Variants in LTBP2 observed in about 807,000 individuals in gnomAD.
The protein encoded by LTBP2 is latent-transforming growth factor beta-binding protein 2.
In LTBP2, 103 loss-of-function variants were observed where a neutral mutation model predicts 210.6. That is an observed-to-expected ratio of 0.49 (90% CI 0.42 to 0.58). LTBP2 has a LOEUF of 0.58. Among genes scored for constraint, LTBP2 ranks in the 20% least tolerant of loss-of-function variants. The probability of loss-of-function intolerance (pLI) is 0.00; values close to 1 mark genes in which losing one functional copy is unlikely to be tolerated. For synonymous variants in LTBP2, 1,007 were observed against 1,015.0 expected, an observed-to-expected ratio of 0.99 and a Z score of 0.15; for missense variants, 2,313 against 2,494.5, an observed-to-expected ratio of 0.93 and a Z score of 1.55.
intron 3 of LTBP2, among the ~76,000 whole-genome samples, chr14:74,581,652 C>T (rs998015534): frequency 1.3e-5 from 2 of 152,078 alleles, no homozygotes; most frequent in African/African-American, 2.4e-5. Flanking sequence ...CCTGAATGAG[C>T]GAGGAAACCG....
intron 19 of LTBP2, among the ~76,000 whole-genome samples, 173 bp downstream of exon 19, chr14:74,511,072 G>T (rs541041346): frequency 6.6e-6 from 1 of 152,346 alleles, no homozygotes; most frequent in African/African-American, 2.4e-5. Context: ...GATTCAGAGG[G>T]CAGAGCCCTG....
At position 74,504,842 on chromosome 14, in the gene LTBP2, G is replaced by A. The variant is rs1247064245; in HGVS notation, c.4389C>T (p.Cys1463=). The change falls in exon 30 of 36, where the codon TGC becomes TGT. Residue 1463 remains cysteine, a synonymous_variant. Coordinates refer to ENST00000261978, the MANE Select transcript of LTBP2 (RefSeq NM_000428.3). ...CAGGAATGTAGCCTTTTCCACTAGGGCAGATCTCGCTGAATTCAGCTATGT... is the reference window on the plus strand; with the variant it reads ...CAGGAATGTAGCCTTTTCCACTAGGACAGATCTCGCTGAATTCAGCTATGT... ...SEDSAEFSEI[C]PSGKGYIPVE... The A allele has an allele frequency of 3.7e-6, 6 of 1,614,116 alleles. No homozygotes were observed. The highest frequency in any genetic ancestry group is 5.1e-6 in the Non-Finnish European group (6 of 1,180,048).
At chr14:74,528,772 C>A in intron 11 of LTBP2, 74 bp from the exon 12 acceptor site, 1 of 1,569,330 alleles carries the variant, frequency 6.4e-7, no homozygotes, top group Non-Finnish European at 8.7e-7. Context: ...CCTTTCCCTC[C>A]CTTTGGGAGA....
intron 9 of LTBP2, 77 bp downstream of exon 9, chr14:74,535,849 G>C (rs2087413912): frequency 3.7e-6 from 5 of 1,336,096 alleles, no homozygotes; most frequent in Non-Finnish European, 5.4e-6. Context: ...CTCGGCCAGT[G>C]ACAGACACCC....
chr14:74,583,204 T>C (rs1197484614), intron 3 of LTBP2, among the ~76,000 whole-genome samples: 1 of 152,084 alleles, frequency 6.6e-6, no homozygotes, highest in Non-Finnish European at 1.5e-5. Flanking sequence ...CCATCACCAA[T>C]CCCTGCAGTG....
chr14:74,516,675 A>G, intron 18 of LTBP2, 147 bp downstream of exon 18: 1 of 1,091,504 alleles, frequency 9.2e-7, no homozygotes, highest in Non-Finnish European at 1.4e-6. Context: ...AGGAATTCTC[A>G]TAGGTGTCTC....
chr14:74,544,245 GT>G (rs2087550561), intron 8 of LTBP2, among the ~76,000 whole-genome samples: 1 of 152,284 alleles, frequency 6.6e-6, no homozygotes, highest in Non-Finnish European at 1.5e-5. Flanking sequence ...CAGCACAGCT[GT>G]TCCCCAAGCT....
At chr14:74,509,041 C>A in intron 22 of LTBP2, 89 bp from the exon 23 acceptor site, 1 of 1,592,190 alleles carries the variant, frequency 6.3e-7, no homozygotes, top group Non-Finnish European at 8.6e-7. Context: ...GGACCTGTCA[C>A]CTGCCTGCAG....
chr14:74,595,132 C>T (rs567334536), intron 2 of LTBP2, among the ~76,000 whole-genome samples: 1 of 152,388 alleles, frequency 6.6e-6, no homozygotes, highest in African/African-American at 2.4e-5. Context: ...ACCAAGCGGG[C>T]CTCTACCGTT....
At position 74,503,615 on chromosome 14, in the gene LTBP2, G is replaced by T. The variant is rs2086944376; in HGVS notation, c.4583-9C>A. 6.2e-7 allele frequency: 1 copy of T among 1,613,238 alleles called. No individual in the cohort carries two copies. ...CTGGCACTCATCGTGATCTGGGGAG[G>T]CAGGAAAGGGTGGGGCATTGCCAAG... is the stretch of plus-strand genomic sequence containing the variant. On this transcript the variant is annotated splice_polypyrimidine_tract_variant and intron_variant, in intron 31 of 35. Coordinates refer to ENST00000261978, the MANE Select transcript of LTBP2 (RefSeq NM_000428.3).
chr14:74,540,504 G>A lies in LTBP2; in HGVS notation c.1790-4504C>T, dbSNP rs538558410. Among the ~76,000 whole-genome samples the A allele has an allele frequency of 2.9e-4, 44 of 151,428 alleles. 1 individual carries two copies. Among genetic ancestry groups the A allele is most frequent in the Middle Eastern group, 6.9e-3 (2 of 290 alleles). ...AAATAAATAAGGCGCAGTGGCTCAC[G>A]CCTGTAATCCTAGCACTTTGGGAGG... On this transcript the variant is annotated intron_variant, in intron 8 of 35. Transcript: ENST00000261978.
At chr14:74,591,649 T>G (rs1288151999) in intron 2 of LTBP2, among the ~76,000 whole-genome samples, 1 of 152,224 alleles carries the variant, frequency 6.6e-6, no homozygotes, top group Non-Finnish European at 1.5e-5. Flanking sequence ...AGCATTGTGT[T>G]TTGAGCTGAG....
In LTBP2 at chr14:74,506,588, A is replaced by G. The variant is rs567572789; in HGVS notation, c.4033+110T>C. ...CTCTTCTTTGAAGCCTCCCTTGCCC[A>G]TGCTCTGGGGACCCGTGATGGAGCC... On this transcript the variant is annotated intron_variant, in intron 27 of 35. Transcript: ENST00000261978. The G allele has an allele frequency of 5.2e-6, 8 of 1,536,842 alleles. No homozygotes were observed. The South Asian group carries it at 6.7e-5, about 13-fold the overall frequency.
intron 1 of LTBP2, among the ~76,000 whole-genome samples, chr14:74,604,585 G>A (rs968629528): frequency 1.4e-5 from 2 of 143,038 alleles, no homozygotes; most frequent in South Asian, 2.2e-4. Context: ...TCACTATATC[G>A]CCCAGGCTGG....
intron 9 of LTBP2, 33 bp from the exon 10 acceptor site, chr14:74,532,581 C>G (rs964132542): frequency 5.6e-6 from 9 of 1,612,262 alleles, no homozygotes; most frequent in Non-Finnish European, 7.6e-6. Context: ...CAAGTGCCCG[C>G]CCCACGGAGG....
chr14:74,523,674 C>T (rs533333818), intron 15 of LTBP2, among the ~76,000 whole-genome samples: 31 of 152,186 alleles, frequency 2.0e-4, no homozygotes, highest in African/African-American at 7.5e-4. Context: ...GCTTTCTGAA[C>T]GGTATCCCTA....
chr14:74,509,049 C>CA, intron 22 of LTBP2, 97 bp from the exon 23 acceptor site: 2 of 1,584,060 alleles, frequency 1.3e-6, no homozygotes, highest in Non-Finnish European at 1.7e-6. Flanking sequence ...CACCTGCCTG[C>CA]AGAGCTGGAC....
At chr14:74,517,520 G>A (rs904851679) in intron 17 of LTBP2, among the ~76,000 whole-genome samples, 1 of 151,984 alleles carries the variant, frequency 6.6e-6, no homozygotes, top group African/African-American at 2.4e-5. Flanking sequence ...ACAGGTGCCC[G>A]CTACCACACC....
intron 3 of LTBP2, among the ~76,000 whole-genome samples, chr14:74,569,251 C>T (rs1317785175): frequency 6.6e-6 from 1 of 152,126 alleles, no homozygotes; most frequent in Non-Finnish European, 1.5e-5. Context: ...AGTTGCCCGA[C>T]TCAGAGAACA....
Sources: allele counts gnomAD v4.1 joint callset (sites outside exome capture counted in the v4.1 genomes callset), GRCh38; gene constraint gnomAD v4.1.1; transcripts MANE v1.5; gene names NCBI Gene and HGNC (gene_info 2026-07-23, HGNC 2026-07-21).